SHANK1: variants seen among roughly 807,000 people sequenced by gnomAD.
SHANK1 encodes SH3 and multiple ankyrin repeat domains 1, also known as SH3 and multiple ankyrin repeat domains protein 1.
Under a neutral mutation model 165.6 loss-of-function variants are expected in SHANK1, and 35 were observed. That is an observed-to-expected ratio of 0.21 (90% CI 0.16 to 0.28). The LOEUF (loss-of-function observed/expected upper bound fraction) is 0.28, where lower values mean the gene tolerates loss of function less well. Ranked by LOEUF, SHANK1 falls within the 10% of genes least tolerant of loss-of-function variation. SHANK1 has a pLI of 1.00. For synonymous variants in SHANK1, 1,428 were observed against 1,384.8 expected (o/e 1.03, Z -0.69); for missense variants, 2,681 against 3,036.4 (o/e 0.88, Z 2.75).
chr19:50,706,296 C>T (rs2088938163), intron 8 of SHANK1, among the ~76,000 whole-genome samples: 1 of 152,144 alleles, frequency 6.6e-6, no homozygotes, highest in Admixed American at 6.5e-5. Flanking sequence ...GAAGGGGACA[C>T]ACATTGTGGA....
At chr19:50,700,323 A>AGGGCTCGGGGCATTGGAGGATTGG (rs1986878552) in intron 12 of SHANK1, among the ~76,000 whole-genome samples, 1 of 49,584 alleles carries the variant, frequency 2.0e-5, no homozygotes, top group African/African-American at 8.1e-5. Flanking sequence ...TGGAGGATTG[A>AGGGCTCGGGGCATTGGAGGATTGG]AGGGCTCGGG....
Position 50,662,224 on chromosome 19 carries a change from A to G in SHANK1, c.6227T>C (p.Leu2076Pro). The G allele has an allele frequency of 6.2e-7, 1 of 1,609,648 alleles. No individual in the cohort carries two copies. The highest frequency in any genetic ancestry group is 8.5e-7 in the Non-Finnish European group (1 of 1,177,152). Residue 2076 changes from leucine (L) to proline (P), a missense_variant, in exon 24 of 24, where the codon CTC (leucine) becomes CCC (proline). Leu to Pro is a moderately conservative substitution (Grantham distance 98, BLOSUM62 -3). This residue lies in a region of SHANK1 where 1,713 missense variants were observed against 1,630.2 expected (regional missense o/e 1.05). Coordinates refer to ENST00000293441, the MANE Select transcript of SHANK1 (RefSeq NM_016148.5). This position sits in a 1 kb window ranked among gnomAD's most constrained non-coding sequence, Gnocchi z 7.7. ...GGALSGASRSLSPTRLLSLPP... is the reference protein window; with the variant it reads ...GGALSGASRSPSPTRLLSLPP... ...CAGCGAGAGCAGGCGGGTCGGTGAG[A>G]GGGAGCGCGAGGCCCCTGACAAGGC...
intron 21 of SHANK1, among the ~76,000 whole-genome samples, chr19:50,684,227 A>C (rs1184486333): frequency 7.7e-6 from 1 of 129,698 alleles, no homozygotes; most frequent in Non-Finnish European, 1.7e-5. Context: ...ATAAGGAAGA[A>C]GGTTTTTTTT....
Position 50,668,735 on chromosome 19 carries a change from G to T in SHANK1, c.3225C>A (p.Gly1075=). The T allele has an allele frequency of 7.8e-7, 1 of 1,276,712 alleles. No homozygotes were observed. Among genetic ancestry groups the T allele is most frequent in the Non-Finnish European group, 9.8e-7 (1 of 1,017,964 alleles). 79.1% of individuals were successfully genotyped at this position (1,276,712 alleles called of 1,614,324 possible). ...AGCGTAGAGCCGGGCCCTGGGAGGA[G>T]CCGCCGCCCCCGCCCGCGCTGCCGT... The part of the protein sequence containing the change: ...SHHGSAGGGG[G]SSQGPALRYF... The change falls in exon 23 of 24, where the codon GGC becomes GGA. Residue 1075 remains glycine (G), a synonymous_variant. Coordinates refer to ENST00000293441, the MANE Select transcript of SHANK1 (RefSeq NM_016148.5).
chr19:50,663,359 G>A (rs532223075), intron 23 of SHANK1, among the ~76,000 whole-genome samples: 8 of 152,072 alleles, frequency 5.3e-5, no homozygotes, highest in Admixed American at 2.0e-4. Context: ...CATCCCTTTC[G>A]TTCCCTCCCC....
Position 50,667,169 on chromosome 19 carries a change from G to T in SHANK1, c.4791C>A (p.Ala1597=). Residue 1597 remains alanine (A), a synonymous_variant, in exon 23 of 24, where the codon GCC becomes GCA. Coordinates refer to ENST00000293441, the MANE Select transcript of SHANK1 (RefSeq NM_016148.5). The surrounding 1 kb of genome is among the most constrained non-coding windows in gnomAD (Gnocchi z 5.7). The part of the protein sequence containing the change: ...GPPHPLPDTP[A]PATPLPPVPP... ...GCACAGGGGGTAACGGGGTGGCAGG[G>T]GCAGGTGTGTCGGGCAGCGGGTGGG... 6.4e-7 allele frequency: 1 copy of T among 1,561,700 alleles called. No individual in the cohort carries two copies. The highest frequency in any genetic ancestry group is 8.6e-7 in the Non-Finnish European group (1 of 1,160,434).
Position 50,661,948 on chromosome 19 carries a change from T to C in SHANK1, c.*17A>G, listed in dbSNP as rs1166489409. On this transcript the variant is annotated 3_prime_UTR_variant, in exon 24 of 24. Coordinates refer to ENST00000293441, the MANE Select transcript of SHANK1 (RefSeq NM_016148.5). ...TCAAGAGTTCTGTGGACGGGGCTGGTCCGTCCAGGCCAGCCATCACCTCTC... is the reference window on the plus strand; with the variant it reads ...TCAAGAGTTCTGTGGACGGGGCTGGCCCGTCCAGGCCAGCCATCACCTCTC... The C allele has an allele frequency of 2.5e-6, 4 of 1,611,386 alleles. No individual in the cohort carries two copies. The African/African-American group carries it at 5.3e-5, about 22-fold the overall frequency.
In SHANK1 at chr19:50,686,898, G is replaced by A. The variant is rs573266824; in HGVS notation, c.2390-86C>T. ...CGGCCTGTGGGCGTGGCCAGCAGGT[G>A]CGGGCCAGTGGGCGTGGCGGGCGCG... On this transcript the variant is annotated intron_variant, in intron 19 of 23. Coordinates refer to ENST00000293441, the MANE Select transcript of SHANK1 (RefSeq NM_016148.5). This position sits in a 1 kb window ranked among gnomAD's most constrained non-coding sequence, Gnocchi z 5.7. 134 of 1,521,140 alleles carry A rather than the reference G, an allele frequency of 8.8e-5. No individual in the cohort carries two copies. In the East Asian group the frequency reaches 3.1e-3, roughly 35 times the overall value. The allele number at this position is 1,521,140 out of a possible 1,614,324, so 94.2% of individuals were successfully genotyped here.
intron 12 of SHANK1, among the ~76,000 whole-genome samples, chr19:50,698,553 A>G (rs951015365): frequency 2.6e-5 from 4 of 151,790 alleles, no homozygotes; most frequent in African/African-American, 9.7e-5. Context: ...CATTTAGCAA[A>G]CATCACAGAC....
At chr19:50,698,387 C>A (rs998287090) in intron 12 of SHANK1, among the ~76,000 whole-genome samples, 12 of 152,174 alleles carry the variant, frequency 7.9e-5, no homozygotes, top group Non-Finnish European at 1.3e-4. Flanking sequence ...GCCACTTAAT[C>A]TTTAGTCCTT....
At position 50,695,358 on chromosome 19, in the gene SHANK1, G is replaced by A. The variant is rs550162987; in HGVS notation, c.1964+1738C>T. 5.4e-5 allele frequency among the ~76,000 whole-genome samples: 8 copies of A among 148,092 alleles called. No individual in the cohort carries two copies. In the South Asian group the frequency reaches 1.7e-3, roughly 31 times the overall value. On this transcript the variant is annotated intron_variant, in intron 15 of 23. Transcript: ENST00000293441. ...ACAGCTCCGGAGGCGGGCGGCGGGC[G>A]CGAGGCTTAACCCCTTGGCGTCCTG...
Position 50,715,664 on chromosome 19 carries a change from T to G in SHANK1, c.526A>C (p.Thr176Pro). ...LDEKQLAKLH[T>P]KTGLKKFLEY... is the part of the protein sequence containing the mutation. ...TGCCAGCAGGGTTTTCTCACCTTCG[T>G]GTGCAACTTGGCCAGCTGCTTCTCA... Residue 176 changes from threonine to proline, a missense_variant, in exon 4 of 24, where the codon ACG (threonine) becomes CCG (proline). Around this residue, in one of 10 missense-constraint regions of SHANK1, gnomAD observed 189 missense variants for 440.9 expected, o/e 0.43. Transcript: ENST00000293441. 1 of 1,613,964 alleles carries G rather than the reference T, an allele frequency of 6.2e-7. No homozygotes were observed. The highest frequency in any genetic ancestry group is 8.5e-7 in the Non-Finnish European group (1 of 1,179,944).
chr19:50,710,545 G>C (rs1307093735), intron 8 of SHANK1, among the ~76,000 whole-genome samples: 1 of 152,188 alleles, frequency 6.6e-6, no homozygotes, highest in Non-Finnish European at 1.5e-5. Flanking sequence ...TAAAGTACCA[G>C]AGGTCATGAC....
rs1373090790 is a variant in SHANK1 at position 50,688,337 on chromosome 19, AAGAC to A, written c.2173-283_2173-280del. Among the ~76,000 whole-genome samples the A allele has an allele frequency of 6.6e-6, 1 of 152,020 alleles. No individual in the cohort carries two copies. ...TTTATTTATTTACTTTTATTTTTAA[AAGAC>A]AGGGTCTCTCTCTGTCACCCAGGTT... is the stretch of plus-strand genomic sequence containing the variant. On this transcript the variant is annotated intron_variant, in intron 17 of 23. Transcript: ENST00000293441. This position sits in a 1 kb window ranked among gnomAD's most constrained non-coding sequence, Gnocchi z 6.7.
rs1352053189 is a variant in SHANK1 at position 50,703,687 on chromosome 19, C to T, written c.1366G>A (p.Ala456Thr). The T allele has an allele frequency of 8.9e-6, 13 of 1,466,304 alleles. No homozygotes were observed. Among genetic ancestry groups the T allele is most frequent in the African/African-American group, 1.4e-5 (1 of 70,312 alleles). 90.8% of individuals were successfully genotyped at this position (1,466,304 alleles called of 1,614,324 possible). The change falls in exon 11 of 24, where the codon GCC becomes ACC. Residue 456 changes from alanine to threonine, a missense_variant. Around this residue, in one of 10 missense-constraint regions of SHANK1, gnomAD observed 195 missense variants for 186.2 expected, o/e 1.05. Coordinates refer to ENST00000293441, the MANE Select transcript of SHANK1 (RefSeq NM_016148.5). ...GGGCCAGGGGCCCCAGAGGACGCGG[C>T]CCCCGGGGCGGAGAACACCATCCAG... is the stretch of plus-strand genomic sequence containing the variant. ...PDWMVFSAPG[A>T]ASSGAPGPTS...
At position 50,702,687 on chromosome 19, in the gene SHANK1, G is replaced by C; in HGVS notation, c.1554-27C>G. The C allele has an allele frequency of 6.7e-7, 1 of 1,501,954 alleles. No individual in the cohort carries two copies. The highest frequency in any genetic ancestry group is 9.0e-7 in the Non-Finnish European group (1 of 1,115,514). The allele number at this position is 1,501,954 out of a possible 1,614,324, so 93.0% of individuals were successfully genotyped here. On this transcript the variant is annotated intron_variant, in intron 11 of 23. Transcript: ENST00000293441. This position sits in a 1 kb window ranked among gnomAD's most constrained non-coding sequence, Gnocchi z 5.3. ...TGCGTACACAGAGGGCATGAGAGGAGGGGAGGGTGGAGGGAGGGGACACCT... is the reference window on the plus strand; with the variant it reads ...TGCGTACACAGAGGGCATGAGAGGACGGGAGGGTGGAGGGAGGGGACACCT...
rs1442650392 is a variant in SHANK1, at chr19:50,686,416, G to A, written c.2459-61C>T. On this transcript the variant is annotated intron_variant, in intron 20 of 23. Transcript: ENST00000293441. The surrounding 1 kb of genome is among the most constrained non-coding windows in gnomAD (Gnocchi z 5.7). ...ATGAAATGAAGTTTGCTTTGACCCG[G>A]GCCGCAAAGACCAGAGCTGCCGCCC... The A allele has an allele frequency of 1.6e-6, 2 of 1,264,548 alleles. No individual in the cohort carries two copies. Among genetic ancestry groups the A allele is most frequent in the Non-Finnish European group, 2.2e-6 (2 of 897,118 alleles). 78.3% of individuals were successfully genotyped at this position (1,264,548 alleles called of 1,614,324 possible).
At chr19:50,677,534 C>T (rs1017106863) in intron 21 of SHANK1, among the ~76,000 whole-genome samples, 2 of 152,298 alleles carry the variant, frequency 1.3e-5, no homozygotes, top group African/African-American at 4.8e-5. Flanking sequence ...CTGCTAGTCT[C>T]CTCTTTCAAA....
intron 23 of SHANK1, among the ~76,000 whole-genome samples, chr19:50,665,079 A>G (rs1436899925): frequency 1.3e-5 from 2 of 152,160 alleles, no homozygotes; most frequent in Non-Finnish European, 2.9e-5. Flanking sequence ...TTTGTTCATC[A>G]TGGGATGTAG....
Sources: gnomAD v4.1 joint callset for allele counts (sites outside exome capture counted in the v4.1 genomes callset) on GRCh38, gnomAD v4.1.1 for gene constraint, gnomAD v4.1.1 regional missense constraint, Gnocchi (gnomAD v3.1) non-coding constraint, MANE v1.5 for transcripts, NCBI Gene and HGNC (gene_info 2026-07-23, HGNC 2026-07-21) for gene names.